The following DPP10 variants were observed in gnomAD, a reference collection of about 807,000 sequenced individuals.
The protein encoded by DPP10 is inactive dipeptidyl peptidase 10.
DPP10 carries 33 observed loss-of-function variants against 120.9 expected under a neutral mutation model. The ratio of observed to expected loss-of-function variants is 0.27; its 90% CI spans 0.21 to 0.37. The LOEUF (loss-of-function observed/expected upper bound fraction) is 0.37, where lower values mean the gene tolerates loss of function less well. Ranked by LOEUF, DPP10 falls within the 10% of genes least tolerant of loss-of-function variation. DPP10 has a pLI of 1.00. For synonymous variants in DPP10, 337 were observed against 326.1 expected (o/e 1.03, Z -0.36); for missense variants, 816 against 942.8 (o/e 0.87, Z 1.76).
At chr2:115,262,435 A>ATT (rs1373006627) in intron 1 of DPP10, among the ~76,000 whole-genome samples, 5 of 151,958 alleles carry the variant, frequency 3.3e-5, no homozygotes, top group Non-Finnish European at 5.9e-5. Flanking sequence ...GTTTAAAAAT[A>ATT]TTTTTTCAGA....
At chr2:115,535,428 T>C in intron 5 of DPP10, among the ~76,000 whole-genome samples, 1 of 152,128 alleles carries the variant, frequency 6.6e-6, no homozygotes, top group East Asian at 1.9e-4. Context: ...GTTGCAGATA[T>C]GTGGCGTTAT....
chr2:115,817,667 G>A (rs1275224948), intron 21 of DPP10, among the ~76,000 whole-genome samples: 1 of 131,350 alleles, frequency 7.6e-6, no homozygotes, highest in Non-Finnish European at 1.7e-5. Context: ...TAGTAGTAAA[G>A]GTTAGTTTTT....
At chr2:115,459,329 G>T (rs1217666192) in intron 3 of DPP10, among the ~76,000 whole-genome samples, 1 of 151,606 alleles carries the variant, frequency 6.6e-6, no homozygotes, top group African/African-American at 2.4e-5. Flanking sequence ...GCTAATTTTT[G>T]TATTTTTAAT....
chr2:115,615,609 A>G (rs1294224265), intron 5 of DPP10, among the ~76,000 whole-genome samples: 1 of 152,212 alleles, frequency 6.6e-6, no homozygotes, highest in Admixed American at 6.5e-5. Flanking sequence ...ATATAAATAA[A>G]ATATAAAAAC....
At chr2:114,688,721 C>T (rs780027881) in intron 1 of DPP10, among the ~76,000 whole-genome samples, 4 of 151,890 alleles carry the variant, frequency 2.6e-5, no homozygotes, top group Non-Finnish European at 4.4e-5. Flanking sequence ...GAGGACAAAC[C>T]ATGATAGAGA....
chr2:115,028,324 T>C (rs1018828174), intron 1 of DPP10, among the ~76,000 whole-genome samples: 27 of 152,224 alleles, frequency 1.8e-4, no homozygotes, highest in African/African-American at 4.6e-4. Context: ...TTTTATAATA[T>C]CCTTTTTAAT....
intron 1 of DPP10, among the ~76,000 whole-genome samples, chr2:114,962,555 A>C (rs1173764463): frequency 2.0e-5 from 3 of 152,204 alleles, no homozygotes; most frequent in Admixed American, 2.0e-4. Context: ...AATACTCAAT[A>C]AATATTATTG....
intron 1 of DPP10, among the ~76,000 whole-genome samples, chr2:115,058,066 G>A (rs544795425): frequency 1.3e-5 from 2 of 152,244 alleles, no homozygotes; most frequent in South Asian, 2.1e-4. Context: ...ATTGCTCTGC[G>A]GGGCTTAGGA....
intron 5 of DPP10, among the ~76,000 whole-genome samples, chr2:115,685,609 A>C (rs1397066569): frequency 6.6e-6 from 1 of 152,088 alleles, no homozygotes; most frequent in East Asian, 1.9e-4. Flanking sequence ...ATAAACTGAC[A>C]ACATATAAAA....
chr2:115,331,026 A>T (rs573882606), intron 2 of DPP10, among the ~76,000 whole-genome samples: 1 of 152,188 alleles, frequency 6.6e-6, no homozygotes, highest in African/African-American at 2.4e-5. Flanking sequence ...CAGTATGGCC[A>T]TTTTCACGAT....
At chr2:114,546,047 C>T (rs979144218) in intron 1 of DPP10, among the ~76,000 whole-genome samples, 1 of 152,076 alleles carries the variant, frequency 6.6e-6, no homozygotes, top group Non-Finnish European at 1.5e-5. Context: ...TTCCTCTGTC[C>T]CCACCCACAC....
chr2:114,745,879 C>A (rs1678533303), intron 1 of DPP10, among the ~76,000 whole-genome samples: 1 of 152,174 alleles, frequency 6.6e-6, no homozygotes, highest in African/African-American at 2.4e-5. Flanking sequence ...TCCCCACTGT[C>A]CTTTCTCATC....
At chr2:114,445,551 T>TGTGTGTGTGTGTGTGTG (rs1321650216) in intron 1 of DPP10, among the ~76,000 whole-genome samples, 7 of 150,628 alleles carry the variant, frequency 4.6e-5, no homozygotes, top group African/African-American at 1.7e-4. Flanking sequence ...TGTGTGTGTG[T>TGTGTGTGTGTGTGTGTG]GTGTGTGTGT....
intron 1 of DPP10, among the ~76,000 whole-genome samples, chr2:114,682,740 T>A (rs1243106447): frequency 1.3e-5 from 2 of 150,854 alleles, no homozygotes; most frequent in Non-Finnish European, 2.9e-5. Context: ...CCAGGTAAGA[T>A]TTTATATCTA....
At chr2:114,751,391 T>G (rs1033386024) in intron 1 of DPP10, among the ~76,000 whole-genome samples, 6 of 152,228 alleles carry the variant, frequency 3.9e-5, no homozygotes, top group Non-Finnish European at 8.8e-5. Flanking sequence ...CAGGTTTAAA[T>G]GCTCAGCGTT....
intron 1 of DPP10, among the ~76,000 whole-genome samples, chr2:114,934,764 G>A (rs533458778): frequency 4.7e-4 from 72 of 152,248 alleles, no homozygotes; most frequent in African/African-American, 1.4e-3. Flanking sequence ...ACCTTCAGTA[G>A]CAGAGGCTAG....
At chr2:115,007,733 A>G in intron 1 of DPP10, among the ~76,000 whole-genome samples, 1 of 151,628 alleles carries the variant, frequency 6.6e-6, no homozygotes, top group Non-Finnish European at 1.5e-5. Flanking sequence ...GCAAAGTCTC[A>G]GGATACAAAA....
chr2:115,072,844 G>A (rs939098938), intron 1 of DPP10, among the ~76,000 whole-genome samples: 6 of 152,150 alleles, frequency 3.9e-5, no homozygotes, highest in Admixed American at 2.6e-4. Context: ...GTGCAGTGGT[G>A]TGATCTCAGC....
intron 4 of DPP10, among the ~76,000 whole-genome samples, chr2:115,515,095 A>C (rs2077431376): frequency 1.3e-5 from 2 of 151,936 alleles, no homozygotes. Context: ...AAAACAAAAA[A>C]AATTGTGTAA....
Sources: allele counts gnomAD v4.1 joint callset (sites outside exome capture counted in the v4.1 genomes callset), GRCh38; gene constraint gnomAD v4.1.1; transcripts MANE v1.5; gene names NCBI Gene and HGNC (gene_info 2026-07-23, HGNC 2026-07-21).